Variants in C19orf67 observed in about 807,000 individuals in gnomAD.
C19orf67 encodes chromosome 19 open reading frame 67.
Under a neutral mutation model 41.4 loss-of-function variants are expected in C19orf67, and 28 were observed. That is an observed-to-expected ratio of 0.68 (90% confidence interval 0.50 to 0.93). The LOEUF is 0.93. C19orf67 is among the 40% of genes least tolerant of loss of function. The probability of loss-of-function intolerance (pLI) is 0.00; values close to 1 mark genes in which losing one functional copy is unlikely to be tolerated. For missense variants in C19orf67, 421 were observed against 467.0 expected, an observed-to-expected ratio of 0.90 and a Z score of 0.91; for synonymous variants, 242 against 203.4, an observed-to-expected ratio of 1.19 and a Z score of -1.62.
In C19orf67 at chr19:14,085,557, AAGGCGTCTGG is replaced by A. The variant is rs1400608937; in HGVS notation, c.61_70del (p.Pro21TrpfsTer76). The A allele has an allele frequency of 2.0e-6, 3 of 1,535,242 alleles. No homozygotes were observed. Among genetic ancestry groups the A allele is most frequent in the Admixed American group, 3.9e-5 (2 of 50,990 alleles). ...TCCGCAGGGCGGCGTCCCAGGTTCCAAGGCGTCTGGAGGCGGTGTTTCTCCAGGGTCCAGG... is the reference window on the plus strand; with the variant it reads ...TCCGCAGGGCGGCGTCCCAGGTTCCAAGGCGGTGTTTCTCCAGGGTCCAGG... On this transcript the variant is annotated frameshift_variant, in exon 1 of 6. Transcript: ENST00000548523. LOFTEE classifies it high-confidence loss of function.
At chr19:14,082,085 GA>G in intron 5 of C19orf67, 77 bp from the exon 6 acceptor site, 2 of 1,239,476 alleles carry the variant, frequency 1.6e-6, no homozygotes, top group Non-Finnish European at 1.1e-6. Context: ...CCCTTTGAGT[GA>G]GAGGCTCAGG....
In C19orf67 at chr19:14,083,851, A is replaced by T; in HGVS notation, c.362T>A (p.Leu121Gln). 1 of 1,377,928 alleles carries T rather than the reference A, an allele frequency of 7.3e-7. No homozygotes were observed. Among genetic ancestry groups the T allele is most frequent in the Non-Finnish European group, 9.4e-7 (1 of 1,065,456 alleles). The allele number at this position is 1,377,928 out of a possible 1,614,324, so 85.4% of individuals were successfully genotyped here. A position where few individuals can be genotyped will look rare whatever the true frequency, so the allele number is the denominator to read the frequency against. The change falls in exon 2 of 6, where the codon CTG (leucine) becomes CAG (glutamine). Residue 121 changes from leucine (L) to glutamine (Q), a missense_variant. Physicochemically the swap from Leu to Gln is moderately radical, Grantham distance 113 (BLOSUM62 -2). Coordinates refer to ENST00000548523, the MANE Select transcript of C19orf67 (RefSeq NM_001277378.2). ...TAAGAAGGTGGGCATGGCCTTGGCC[A>T]GCTGCTCCTTCTGTACTTGGTCTCT... ...YSRDQVQKEQLAKAMPTFLQM... is the reference protein window; with the variant it reads ...YSRDQVQKEQQAKAMPTFLQM...
rs1161460926 is a variant in C19orf67, at chr19:14,085,386, C to T, written c.242G>A (p.Arg81His). The T allele has an allele frequency of 6.5e-7, 1 of 1,536,118 alleles. No homozygotes were observed. Among genetic ancestry groups the T allele is most frequent in the Admixed American group, 2.0e-5 (1 of 51,000 alleles). Residue 81 changes from arginine (R) to histidine (H), a missense_variant, in exon 1 of 6, where the codon CGC (arginine) becomes CAC (histidine). Arg to His is a conservative substitution (Grantham distance 29, BLOSUM62 0). Transcript: ENST00000548523. ...LVPRPGPAPPRLSLDTLFSPI... is the reference protein window; with the variant it reads ...LVPRPGPAPPHLSLDTLFSPI... The stretch of plus-strand genomic sequence containing the variant: ...GCTGAACAAAGTGTCCAGGGATAGG[C>T]GGGGAGGTGCTGGCCCAGGCCGGGG...
In C19orf67 at chr19:14,082,605, TAGG is replaced by T; in HGVS notation, c.768-5_768-3del. On this transcript the variant is annotated splice_polypyrimidine_tract_variant and splice_region_variant and intron_variant, in intron 4 of 5. Coordinates refer to ENST00000548523, the MANE Select transcript of C19orf67 (RefSeq NM_001277378.2). ...GTATCTCGATAGCACAGAAAGTAGC[TAGG>T]AGGGGAGGGAGCTGTAATTAGAAGT... is the stretch of plus-strand genomic sequence containing the variant. 6.5e-7 allele frequency: 1 copy of T among 1,535,620 alleles called. No homozygotes were observed. The highest frequency in any genetic ancestry group is 8.7e-7 in the Non-Finnish European group (1 of 1,146,510).
At chr19:14,082,700 G>A (rs972480588) in intron 4 of C19orf67, 97 bp from the exon 5 acceptor site, 9 of 1,249,994 alleles carry the variant, frequency 7.2e-6, no homozygotes, top group Non-Finnish European at 9.6e-6. Flanking sequence ...CTCATCAGAA[G>A]TTGCCCTGAA....
chr19:14,085,550 A>T lies in C19orf67; in HGVS notation c.78T>A (p.Pro26=). 6.5e-7 allele frequency: 1 copy of T among 1,535,202 alleles called. No homozygotes were observed. The highest frequency in any genetic ancestry group is 1.7e-4 in the Middle Eastern group (1 of 5,976). ...AGGGGTCTCCGCAGGGCGGCGTCCC[A>T]GGTTCCAAGGCGTCTGGAGGCGGTG... ...GETPPPDALE[P]GTPPCGDPSR... Residue 26 remains proline (P), a synonymous_variant, in exon 1 of 6, where the codon CCT becomes CCA. Transcript: ENST00000548523.
chr19:14,082,138 G>T, intron 5 of C19orf67, 130 bp from the exon 6 acceptor site: 1 of 810,766 alleles, frequency 1.2e-6, no homozygotes, highest in Non-Finnish European at 1.9e-6. Context: ...AAAAACCCCC[G>T]GGGGAAACTT....
In C19orf67 at chr19:14,083,383, C is replaced by T. The variant is rs1048421710; in HGVS notation, c.621G>A (p.Leu207=). 6.5e-5 allele frequency: 99 copies of T among 1,534,464 alleles called. No individual in the cohort carries two copies. Among genetic ancestry groups the T allele is most frequent in the Middle Eastern group, 1.7e-4 (1 of 5,980 alleles). The change falls in exon 4 of 6, where the codon CTG becomes CTA. Residue 207 remains leucine (L), a synonymous_variant. Coordinates refer to ENST00000548523, the MANE Select transcript of C19orf67 (RefSeq NM_001277378.2). The part of the protein sequence containing the change: ...CFFCGRFSIS[L]SHEVSIFRYC... ...ATCTGAAGATGGAGACCTCATGGGA[C>T]AGGCTGATGGAGAACCTCCCGCAAA...
chr19:14,085,631 A>G lies in C19orf67; in HGVS notation c.-4T>C. The G allele has an allele frequency of 7.2e-7, 1 of 1,385,696 alleles. No homozygotes were observed. Among genetic ancestry groups the G allele is most frequent in the East Asian group, 2.5e-5 (1 of 40,260 alleles). The allele number at this position is 1,385,696 out of a possible 1,614,324, so 85.8% of individuals were successfully genotyped here. A position where few individuals can be genotyped will look rare whatever the true frequency, so the allele number is the denominator to read the frequency against. On this transcript the variant is annotated 5_prime_UTR_variant, in exon 1 of 6. Coordinates refer to ENST00000548523, the MANE Select transcript of C19orf67 (RefSeq NM_001277378.2). ...CGAACCACTGCTCTGTAGCCATGGT[A>G]GGGCCGGGGGGCGGGAACCTGAGCT... is the stretch of plus-strand genomic sequence containing the variant.
At position 14,083,803 on chromosome 19, in the gene C19orf67, A is replaced by G. The variant is rs1322298169; in HGVS notation, c.410T>C (p.Leu137Pro). The change falls in exon 2 of 6, where the codon CTG (leucine) becomes CCG (proline). Residue 137 changes from leucine (L) to proline (P), a missense_variant. Physicochemically the swap from Leu to Pro is moderately conservative, Grantham distance 98 (BLOSUM62 -3). Around this residue, in one of 3 missense-constraint regions of C19orf67, gnomAD observed 253 missense variants for 307.0 expected, o/e 0.82. Coordinates refer to ENST00000548523, the MANE Select transcript of C19orf67 (RefSeq NM_001277378.2). Reference protein sequence around the residue: ...TFLQMCEPYFLYLEAAARSIP... With the variant: ...TFLQMCEPYFPYLEAAARSIP... The stretch of plus-strand genomic sequence containing the variant: ...GCTTCTCGCGGCTGCCTCCAGGTAC[A>G]GGAAGTAGGGCTCACACATCTGTAA... The G allele has an allele frequency of 7.0e-7, 1 of 1,421,788 alleles. No individual in the cohort carries two copies. The highest frequency in any genetic ancestry group is 2.5e-5 in the East Asian group (1 of 39,740). 88.1% of individuals were successfully genotyped at this position (1,421,788 alleles called of 1,614,324 possible).
chr19:14,082,158 T>A, intron 5 of C19orf67, 150 bp from the exon 6 acceptor site: 1 of 733,518 alleles, frequency 1.4e-6, no homozygotes, highest in Non-Finnish European at 2.1e-6. Flanking sequence ...TGTTTCCTTG[T>A]TGATCAGAGA....
chr19:14,083,649 G>C lies in C19orf67; in HGVS notation c.481-44C>G, dbSNP rs185885088. ...TACAGTGAGATCAGCTGGCCTGCGA[G>C]GAGTGGGCCTCCCCCTCCACCATCC... On this transcript the variant is annotated intron_variant, in intron 2 of 5. Transcript: ENST00000548523. 5.7e-5 allele frequency: 87 copies of C among 1,526,722 alleles called. No homozygotes were observed. In the African/African-American group the frequency reaches 9.6e-4, roughly 17 times the overall value. The allele number at this position is 1,526,722 out of a possible 1,614,324, so 94.6% of individuals were successfully genotyped here. A position where few individuals can be genotyped will look rare whatever the true frequency, so the allele number is the denominator to read the frequency against.
Position 14,083,430 on chromosome 19 carries a change from GA to G in C19orf67, c.582-9del. On this transcript the variant is annotated splice_polypyrimidine_tract_variant and intron_variant, in intron 3 of 5. Coordinates refer to ENST00000548523, the MANE Select transcript of C19orf67 (RefSeq NM_001277378.2). ...CAAAAGAAACAGGAGATGCTGGCGA[GA>G]CATGAGAGAATGGAGGGGTGAGGCT... is the stretch of plus-strand genomic sequence containing the variant. 2.0e-6 allele frequency: 3 copies of G among 1,531,002 alleles called. No individual in the cohort carries two copies. Among genetic ancestry groups the G allele is most frequent in the Non-Finnish European group, 1.7e-6 (2 of 1,143,044 alleles). The allele number at this position is 1,531,002 out of a possible 1,614,324, so 94.8% of individuals were successfully genotyped here. A position where few individuals can be genotyped will look rare whatever the true frequency, so the allele number is the denominator to read the frequency against.
Position 14,082,331 on chromosome 19 carries a change from T to G in C19orf67, c.902+138A>C, listed in dbSNP as rs565671836. ...CCATGGGTTGTTACTGGGGTCTGCA[T>G]GAAGTGCTTTTCAGGGCACAATAAA... On this transcript the variant is annotated intron_variant, in intron 5 of 5. Transcript: ENST00000548523. 3.2e-5 allele frequency: 31 copies of G among 979,520 alleles called. No homozygotes were observed. In the African/African-American group the frequency reaches 4.3e-4, roughly 13 times the overall value. 60.7% of individuals were successfully genotyped at this position (979,520 alleles called of 1,614,324 possible). A position where few individuals can be genotyped will look rare whatever the true frequency, so the allele number is the denominator to read the frequency against.
In C19orf67 at chr19:14,085,660, T is replaced by A; in HGVS notation, c.-33A>T. On this transcript the variant is annotated 5_prime_UTR_variant, in exon 1 of 6. Transcript: ENST00000548523. ...CCGGGGGGCGGGAACCTGAGCTCTT[T>A]AAGCTTCCGCTGCTGCTCAGGTTGG... The A allele has an allele frequency of 6.9e-7, 1 of 1,447,676 alleles. No individual in the cohort carries two copies. The highest frequency in any genetic ancestry group is 9.3e-7 in the Non-Finnish European group (1 of 1,069,662). The allele number at this position is 1,447,676 out of a possible 1,614,324, so 89.7% of individuals were successfully genotyped here.
chr19:14,084,298 G>A, intron 1 of C19orf67, among the ~76,000 whole-genome samples: 1 of 151,978 alleles, frequency 6.6e-6, no homozygotes. Flanking sequence ...GTGGAGGTGG[G>A]AAGATTGCTT....
At position 14,083,374 on chromosome 19, in the gene C19orf67, C is replaced by A; in HGVS notation, c.630G>T (p.Glu210Asp). The A allele has an allele frequency of 6.5e-7, 1 of 1,535,220 alleles. No individual in the cohort carries two copies. The highest frequency in any genetic ancestry group is 8.7e-7 in the Non-Finnish European group (1 of 1,146,370). Residue 210 changes from glutamate to aspartate, a missense_variant, in exon 4 of 6, where the codon GAG becomes GAT. By Grantham distance (45) the Glu-to-Asp change is conservative. Coordinates refer to ENST00000548523, the MANE Select transcript of C19orf67 (RefSeq NM_001277378.2). ...CGRFSISLSH[E>D]VSIFRYCAPT... ...GGGCACAGTATCTGAAGATGGAGAC[C>A]TCATGGGACAGGCTGATGGAGAACC...
chr19:14,085,392 G>A lies in C19orf67; in HGVS notation c.236C>T (p.Pro79Leu), dbSNP rs768661358. 1 of 1,536,186 alleles carries A rather than the reference G, an allele frequency of 6.5e-7. No individual in the cohort carries two copies. The highest frequency in any genetic ancestry group is 1.2e-5 in the South Asian group (1 of 84,068). Residue 79 changes from proline to leucine, a missense_variant, in exon 1 of 6, where the codon CCT (proline) becomes CTT (leucine). Physicochemically the swap from Pro to Leu is moderately conservative, Grantham distance 98. Around this residue, in one of 3 missense-constraint regions of C19orf67, gnomAD observed 160 missense variants for 139.2 expected, o/e 1.15. Coordinates refer to ENST00000548523, the MANE Select transcript of C19orf67 (RefSeq NM_001277378.2). ...CAAAGTGTCCAGGGATAGGCGGGGAGGTGCTGGCCCAGGCCGGGGGACCAG... is the reference window on the plus strand; with the variant it reads ...CAAAGTGTCCAGGGATAGGCGGGGAAGTGCTGGCCCAGGCCGGGGGACCAG... Reference protein sequence around the residue: ...KPLVPRPGPAPPRLSLDTLFS... With the variant: ...KPLVPRPGPALPRLSLDTLFS...
chr19:14,083,603 C>A lies in C19orf67; in HGVS notation c.483G>T (p.Leu161=). Residue 161 remains leucine, a splice_region_variant and synonymous_variant, in exon 3 of 6, where the codon CTG becomes CTT. Coordinates refer to ENST00000548523, the MANE Select transcript of C19orf67 (RefSeq NM_001277378.2). ...GGGTCAGCTGTTGGGAGATCTCTAA[C>A]AGCTGCATACAAGAGGGGGGTACAG... ...GPLQELVRKG[L]LEISQQLTLR... is the part of the protein sequence containing the mutation. 1 of 1,536,008 alleles carries A rather than the reference C, an allele frequency of 6.5e-7. No homozygotes were observed. Among genetic ancestry groups the A allele is most frequent in the Non-Finnish European group, 8.7e-7 (1 of 1,146,820 alleles).
Sources: allele counts gnomAD v4.1 joint callset (sites outside exome capture counted in the v4.1 genomes callset), GRCh38; gene constraint gnomAD v4.1.1; regional missense constraint gnomAD v4.1.1; transcripts MANE v1.5; gene names NCBI Gene and HGNC (gene_info 2026-07-23, HGNC 2026-07-21).